CFAP47: variants seen among roughly 807,000 people sequenced by gnomAD.
CFAP47 encodes the protein cilia- and flagella-associated protein 47.
CFAP47 carries 29 observed loss-of-function variants against 148.1 expected under a neutral mutation model. The observed-to-expected ratio is 0.20, with a 90% confidence interval of 0.15 to 0.27. The LOEUF (loss-of-function observed/expected upper bound fraction) is 0.27. Ranked by LOEUF, CFAP47 falls within the 10% of genes least tolerant of loss-of-function variation. The pLI is 1.00. For synonymous variants in CFAP47, 664 were observed against 577.3 expected (o/e 1.15, Z -2.15); for missense variants, 1,872 against 1,697.5 (o/e 1.10, Z -1.81).
intron 48 of CFAP47, among the ~76,000 whole-genome samples, chrX:36,239,159 G>A (rs1462960191): frequency 2.7e-5 from 3 of 112,128 alleles, no homozygotes; most frequent in South Asian, 7.3e-4. Context: ...CAAAGTAGTA[G>A]AAAATAATTA....
rs992285600 is a variant in CFAP47, at chrX:36,223,470, A to G, written c.6818-5158A>G. Among the ~76,000 whole-genome samples the G allele has an allele frequency of 7.2e-5, 8 of 111,054 alleles. No individual in the cohort carries two copies. In the Admixed American group the frequency reaches 7.7e-4, roughly 11 times the overall value. On this transcript the variant is annotated intron_variant, in intron 45 of 63. Coordinates refer to ENST00000378653, the MANE Select transcript of CFAP47 (RefSeq NM_001304548.2). ...TAAATATAATTATTCATTCTTAATT[A>G]TTCATTTTCTGAATTAAAAGCTCTG...
chrX:35,924,029 A>G (rs139774978), intron 1 of CFAP47, among the ~76,000 whole-genome samples: 2,179 of 94,314 alleles, frequency 0.023, 114 homozygotes, highest in African/African-American at 0.047. Flanking sequence ...GCACATATAT[A>G]TGCACATATA....
chrX:36,347,334 G>A, intron 57 of CFAP47, among the ~76,000 whole-genome samples: 1 of 111,763 alleles, frequency 8.9e-6, no homozygotes. Context: ...ACACTGTTGG[G>A]AGTATAAATT....
intron 47 of CFAP47, among the ~76,000 whole-genome samples, chrX:36,236,480 G>A (rs1403874878): frequency 8.9e-6 from 1 of 111,840 alleles, no homozygotes; most frequent in Admixed American, 9.5e-5. Context: ...ATTTAGCAAG[G>A]GTAATCAGAA....
rs1484202291 is a variant in CFAP47, at chrX:36,236,065, A to G, written c.7146A>G (p.Glu2382=). 8.0e-6 allele frequency: 4 copies of G among 499,652 alleles called. No homozygotes were observed. Among genetic ancestry groups the G allele is most frequent in the Non-Finnish European group, 1.4e-5 (4 of 277,102 alleles). The allele number at this position is 499,652 out of a possible 1,213,427, so 41.2% of individuals were successfully genotyped here. ...EYPLTFKPIF[E]CVITGKLILQ... ...CTCTCACATTCAAACCTATTTTTGA[A>G]TGTGTCATTACGGTATGAACTCCTT... Residue 2382 remains glutamate, a synonymous_variant, in exon 47 of 64, where the codon GAA becomes GAG. Coordinates refer to ENST00000378653, the MANE Select transcript of CFAP47 (RefSeq NM_001304548.2).
Position 35,940,937 on chromosome X carries a change from T to C in CFAP47, c.402-346T>C, listed in dbSNP as rs551538889. On this transcript the variant is annotated intron_variant, in intron 2 of 63. Coordinates refer to ENST00000378653, the MANE Select transcript of CFAP47 (RefSeq NM_001304548.2). ...TACTTACATTTTGTAAGTACTTACA[T>C]CTTGTACTTACATCTTGTTTTAGAC... 2.1e-4 allele frequency among the ~76,000 whole-genome samples: 23 copies of C among 111,619 alleles called. No individual in the cohort carries two copies. In the South Asian group the frequency reaches 5.6e-3, roughly 27 times the overall value.
At chrX:36,122,222 G>A (rs1006831876) in intron 33 of CFAP47, among the ~76,000 whole-genome samples, 3 of 111,143 alleles carry the variant, frequency 2.7e-5, no homozygotes, top group African/African-American at 9.8e-5. Context: ...CTGCTTTTAG[G>A]ATTCTGTCTA....
intron 39 of CFAP47, among the ~76,000 whole-genome samples, chrX:36,176,153 T>A (rs756741036): frequency 8.8e-6 from 1 of 113,097 alleles, no homozygotes; most frequent in African/African-American, 3.2e-5. Flanking sequence ...CTCACCCTGC[T>A]TCGGCTCGTG....
At chrX:36,286,378 T>C (rs1253830384) in intron 51 of CFAP47, among the ~76,000 whole-genome samples, 2 of 109,403 alleles carry the variant, frequency 1.8e-5, no homozygotes, top group African/African-American at 6.6e-5. Context: ...GATTTCTTTA[T>C]AGAATTGATT....
At chrX:35,922,621 A>G (rs1935595202) in intron 1 of CFAP47, among the ~76,000 whole-genome samples, 1 of 112,751 alleles carries the variant, frequency 8.9e-6, no homozygotes, top group South Asian at 3.6e-4. Flanking sequence ...TCTGTTCTAT[A>G]AATTGCACGA....
At chrX:36,360,964 A>G (rs1315654178) in intron 60 of CFAP47, among the ~76,000 whole-genome samples, 1 of 112,029 alleles carries the variant, frequency 8.9e-6, no homozygotes, top group Non-Finnish European at 1.9e-5. Context: ...TTAAGTCTAT[A>G]GGTTTTTAAT....
chrX:36,075,933 T>C (rs1052315382), intron 29 of CFAP47, among the ~76,000 whole-genome samples: 49 of 111,990 alleles, frequency 4.4e-4, no homozygotes, highest in African/African-American at 1.5e-3. Flanking sequence ...CAGTCCACCA[T>C]TGATGGGGAA....
At chrX:36,286,602 G>A (rs192189151) in intron 51 of CFAP47, among the ~76,000 whole-genome samples, 8 of 111,439 alleles carry the variant, frequency 7.2e-5, no homozygotes. Context: ...TAATATGACA[G>A]TAGGATCATT....
At chrX:36,261,522 A>G (rs1940823100) in intron 49 of CFAP47, among the ~76,000 whole-genome samples, 1 of 104,523 alleles carries the variant, frequency 9.6e-6, no homozygotes. Context: ...GGGAGTGGTG[A>G]TGACTCTTAA....
At chrX:35,993,400 T>C in intron 18 of CFAP47, 79 bp downstream of exon 18, 1 of 280,060 alleles carries the variant, frequency 3.6e-6, no homozygotes, top group Non-Finnish European at 6.3e-6. Flanking sequence ...TCTATAATGG[T>C]AGGTATAATG....
intron 14 of CFAP47, 125 bp downstream of exon 14, chrX:35,975,488 G>A (rs1199702141): frequency 1.1e-5 from 7 of 612,669 alleles, no homozygotes; most frequent in Non-Finnish European, 1.7e-5. Context: ...AGCTATATGT[G>A]CATCAATTTT....
intron 49 of CFAP47, among the ~76,000 whole-genome samples, chrX:36,276,505 T>A (rs1556002709): frequency 3.6e-5 from 4 of 112,171 alleles, no homozygotes; most frequent in African/African-American, 1.3e-4. Context: ...ATGTGTTATT[T>A]TAGCTTTAAA....
chrX:35,976,537 A>G (rs1936573235), intron 15 of CFAP47, among the ~76,000 whole-genome samples: 1 of 111,667 alleles, frequency 9.0e-6, no homozygotes, highest in Admixed American at 9.6e-5. Context: ...AATTACGTCT[A>G]AAAAAACACT....
chrX:36,108,395 G>A (rs1333210787), intron 33 of CFAP47, among the ~76,000 whole-genome samples: 1 of 111,226 alleles, frequency 9.0e-6, no homozygotes, highest in African/African-American at 3.3e-5. Flanking sequence ...TGTCCCATAA[G>A]CACCTCAAAT....
Sources: allele counts gnomAD v4.1 joint callset (sites outside exome capture counted in the v4.1 genomes callset), GRCh38; gene constraint gnomAD v4.1.1; transcripts MANE v1.5; gene names NCBI Gene and HGNC (gene_info 2026-07-23, HGNC 2026-07-21).